Variants in CLSTN1 observed in about 807,000 individuals in gnomAD.
CLSTN1 encodes calsyntenin 1, also known as calsyntenin-1.
In CLSTN1, 28 loss-of-function variants were observed where a neutral mutation model predicts 108.3. The ratio of observed to expected loss-of-function variants is 0.26; its 90% CI spans 0.19 to 0.35. CLSTN1 has a LOEUF of 0.35. Among genes scored for constraint, CLSTN1 ranks in the 10% least tolerant of loss-of-function variants. The pLI is 1.00. For missense variants in CLSTN1, 1,157 were observed against 1,302.6 expected, an observed-to-expected ratio of 0.89 and a Z score of 1.72; for synonymous variants, 524 against 534.9, an observed-to-expected ratio of 0.98 and a Z score of 0.28.
chr1:9,777,930 G>A (rs1030192572), intron 1 of CLSTN1, among the ~76,000 whole-genome samples: 3 of 152,080 alleles, frequency 2.0e-5, no homozygotes, highest in African/African-American at 7.2e-5. Context: ...CCTTCCTGCT[G>A]CTCTCACCAA....
chr1:9,823,998 G>T (rs1655304650), upstream of CLSTN1: 1 of 150,720 alleles, frequency 6.6e-6, no homozygotes, highest in Non-Finnish European at 1.5e-5. This position sits in a 1 kb window ranked among gnomAD's most constrained non-coding sequence, Gnocchi z 6.3. Context: ...TCCGGCGAGG[G>T]TACCCGGCCG....
chr1:9,810,797 A>AAAAT (rs532514319), intron 1 of CLSTN1, among the ~76,000 whole-genome samples: 1 of 152,002 alleles, frequency 6.6e-6, no homozygotes, highest in Non-Finnish European at 1.5e-5. Context: ...AATAAAATTA[A>AAAAT]AAATAAATAA....
chr1:9,822,308 T>C (rs1655218577), intron 1 of CLSTN1, among the ~76,000 whole-genome samples: 1 of 152,180 alleles, frequency 6.6e-6, no homozygotes, highest in African/African-American at 2.4e-5. Context: ...GTCAACAGAA[T>C]GTTAGAAATG....
At position 9,735,547 on chromosome 1, in the gene CLSTN1, G is replaced by A. The variant is rs925809162; in HGVS notation, c.1803C>T (p.Ala601=). The A allele has an allele frequency of 2.5e-6, 4 of 1,614,026 alleles. No individual in the cohort carries two copies. In the African/African-American group the frequency reaches 4.0e-5, roughly 16 times the overall value. The change falls in exon 13 of 19, where the codon GCC becomes GCT. Residue 601 remains alanine, a synonymous_variant. Coordinates refer to ENST00000377298, the MANE Select transcript of CLSTN1 (RefSeq NM_001009566.3). ...EGEDLGELDK[A]MQHISYLNSR... is the part of the protein sequence containing the mutation. ...AGTTCAGGTACGAGATGTGCTGCAT[G>A]GCCTTATCCAATTCCCCGAGGTCTT...
chr1:9,730,618 T>G lies in CLSTN1; in HGVS notation c.2836A>C (p.Thr946Pro), dbSNP rs769868425. 1.9e-6 allele frequency: 3 copies of G among 1,610,514 alleles called. No homozygotes were observed. In the South Asian group the frequency reaches 3.3e-5, roughly 18 times the overall value. The change falls in exon 19 of 19, where the codon ACC becomes CCC. Residue 946 changes from threonine to proline, a missense_variant. By Grantham distance (38) the Thr-to-Pro change is conservative (BLOSUM62 -1). Coordinates refer to ENST00000377298, the MANE Select transcript of CLSTN1 (RefSeq NM_001009566.3). The surrounding 1 kb of genome is among the most constrained non-coding windows in gnomAD (Gnocchi z 5.6). ...TCGCTGCTCTCCGACTCGGCGCTGG[T>G]GATGTCATCCTCTTCTTCGCCGTCC... ...SEDGEEEDDI[T>P]SAESESSEEE...
intron 2 of CLSTN1, among the ~76,000 whole-genome samples, chr1:9,764,464 C>A (rs772901941): frequency 7.2e-5 from 11 of 151,934 alleles, no homozygotes; most frequent in Non-Finnish European, 1.5e-4. Context: ...TGGTGAAACC[C>A]TGTCTCTACT....
At chr1:9,818,202 G>A (rs997427334) in intron 1 of CLSTN1, among the ~76,000 whole-genome samples, 3 of 151,134 alleles carry the variant, frequency 2.0e-5, no homozygotes, top group Non-Finnish European at 4.4e-5. Flanking sequence ...TAGAGATGGG[G>A]TTTCACCATG....
At chr1:9,778,400 C>T (rs557522793) in intron 1 of CLSTN1, among the ~76,000 whole-genome samples, 1 of 152,056 alleles carries the variant, frequency 6.6e-6, no homozygotes, top group Admixed American at 6.6e-5. Context: ...GATCAGTTGC[C>T]CTGATTTATG....
intron 12 of CLSTN1, 100 bp from the exon 13 acceptor site, chr1:9,735,715 T>C: frequency 6.5e-7 from 1 of 1,537,580 alleles, no homozygotes; most frequent in Non-Finnish European, 8.8e-7. Flanking sequence ...TGGGTTCGAT[T>C]TGAATTGCTG....
chr1:9,785,023 G>A (rs1462383306), intron 1 of CLSTN1, among the ~76,000 whole-genome samples: 1 of 126,512 alleles, frequency 7.9e-6, no homozygotes, highest in South Asian at 2.4e-4. Flanking sequence ...TGAGAGTCTT[G>A]CTCTGTCACC....
intron 2 of CLSTN1, 35 bp downstream of exon 2, chr1:9,773,237 G>A (rs199986935): frequency 1.1e-5 from 17 of 1,612,258 alleles, no homozygotes; most frequent in East Asian, 4.5e-5. Flanking sequence ...GACCAGGCCC[G>A]ATTCATCAAG....
Position 9,812,296 on chromosome 1 carries a change from G to A in CLSTN1, c.91+11347C>T, listed in dbSNP as rs78836057. Among the ~76,000 whole-genome samples, 1,073 of 152,242 alleles carry A rather than the reference G, an allele frequency of 7.0e-3. 12 individuals carry two copies. Among genetic ancestry groups the A allele is most frequent in the African/African-American group, 0.024 (1,015 of 41,528 alleles). On this transcript the variant is annotated intron_variant, in intron 1 of 18. Coordinates refer to ENST00000377298, the MANE Select transcript of CLSTN1 (RefSeq NM_001009566.3). Reference sequence around the variant, plus strand: ...TATCCTTTGCTTGTTGCTGAGGATGGAAAGATGAAGGGGAAACTTGCACCC... The same window carrying A: ...TATCCTTTGCTTGTTGCTGAGGATGAAAAGATGAAGGGGAAACTTGCACCC...
rs1346124085 is a variant in CLSTN1 at position 9,765,408 on chromosome 1, G to A, written c.214+7864C>T. 2.0e-5 allele frequency among the ~76,000 whole-genome samples: 3 copies of A among 151,792 alleles called. No homozygotes were observed. The East Asian group carries it at 5.8e-4, about 29-fold the overall frequency. On this transcript the variant is annotated intron_variant, in intron 2 of 18. Transcript: ENST00000377298. The stretch of plus-strand genomic sequence containing the variant: ...TCAGAAAAAAGAAAAAATTGGCCTG[G>A]TGCGGTGGCTCAATCCTGTAATCCT...
rs72633884 is a variant in CLSTN1, at chr1:9,781,794, T to C, written c.92-8400A>G. Among the ~76,000 whole-genome samples, 38 of 152,266 alleles carry C rather than the reference T, an allele frequency of 2.5e-4. No homozygotes were observed. The Middle Eastern group carries it at 0.01, about 41-fold the overall frequency. ...GCTTCCACATCGCCATGTTCATATTTATGTATTCTTTATTTATAGCTTTGA... is the reference window on the plus strand; with the variant it reads ...GCTTCCACATCGCCATGTTCATATTCATGTATTCTTTATTTATAGCTTTGA... On this transcript the variant is annotated intron_variant, in intron 1 of 18. Coordinates refer to ENST00000377298, the MANE Select transcript of CLSTN1 (RefSeq NM_001009566.3).
rs1570452646 is a variant in CLSTN1, at chr1:9,751,746, T to C, written c.441-65A>G. ...TTCAGTGTGAGAGAGAGACAGAGAGTGTGTATGTGTGTTTACCCAATTCTG... is the reference window on the plus strand; with the variant it reads ...TTCAGTGTGAGAGAGAGACAGAGAGCGTGTATGTGTGTTTACCCAATTCTG... On this transcript the variant is annotated intron_variant, in intron 4 of 18. Transcript: ENST00000377298. 5 of 1,403,552 alleles carry C rather than the reference T, an allele frequency of 3.6e-6. No individual in the cohort carries two copies. In the African/African-American group the frequency reaches 4.2e-5, roughly 12 times the overall value. 86.9% of individuals were successfully genotyped at this position (1,403,552 alleles called of 1,614,324 possible). A position where few individuals can be genotyped will look rare whatever the true frequency, so the allele number is the denominator to read the frequency against.
At chr1:9,797,088 A>C (rs1654042644) in intron 1 of CLSTN1, among the ~76,000 whole-genome samples, 1 of 152,186 alleles carries the variant, frequency 6.6e-6, no homozygotes, top group East Asian at 1.9e-4. Flanking sequence ...CTGCTGAGAC[A>C]CTTAGACAAG....
At chr1:9,813,493 T>A (rs2582976) in intron 1 of CLSTN1, among the ~76,000 whole-genome samples, 48,829 of 148,850 alleles carry the variant, frequency 0.33, 8,890 homozygotes, top group East Asian at 0.57. Context: ...AGCAAGACTC[T>A]GTCTCAAAAA....
intron 1 of CLSTN1, among the ~76,000 whole-genome samples, chr1:9,774,324 G>A (rs1652833444): frequency 6.6e-6 from 1 of 152,082 alleles, no homozygotes; most frequent in Non-Finnish European, 1.5e-5. Context: ...CCAGCACTTT[G>A]GGAGGCTGAC....
intron 2 of CLSTN1, among the ~76,000 whole-genome samples, chr1:9,759,971 G>A (rs1651992969): frequency 6.6e-6 from 1 of 152,172 alleles, no homozygotes. Context: ...GTGGAATAGC[G>A]AGGCAGTTCC....
Sources: allele counts gnomAD v4.1 joint callset (sites outside exome capture counted in the v4.1 genomes callset), GRCh38; gene constraint gnomAD v4.1.1; non-coding constraint Gnocchi (gnomAD v3.1); transcripts MANE v1.5; gene names NCBI Gene and HGNC (gene_info 2026-07-23, HGNC 2026-07-21).